NLGN1: variants seen among roughly 807,000 people sequenced by gnomAD.
NLGN1 encodes neuroligin 1.
A neutral mutation model predicts 65.5 loss-of-function variants in NLGN1; 12 were observed. The observed-to-expected ratio is 0.18, with a 90% CI of 0.12 to 0.30. The LOEUF is 0.30. Ranked by LOEUF, NLGN1 falls within the 10% of genes least tolerant of loss-of-function variation. The probability of loss-of-function intolerance (pLI) is 1.00; values close to 1 mark genes in which losing one functional copy is unlikely to be tolerated. For synonymous variants in NLGN1, 350 were observed against 359.5 expected, an observed-to-expected ratio of 0.97 and a Z score of 0.30; for missense variants, 750 against 1,007.1, an observed-to-expected ratio of 0.74 and a Z score of 3.46.
chr3:173,423,370 A>C (rs1464481611), intron 1 of NLGN1, among the ~76,000 whole-genome samples: 1 of 152,128 alleles, frequency 6.6e-6, no homozygotes, highest in Non-Finnish European at 1.5e-5. Flanking sequence ...CAAAGACTTA[A>C]CTCATTCCGG....
intron 3 of NLGN1, among the ~76,000 whole-genome samples, chr3:173,778,136 C>A (rs768483186): frequency 6.6e-6 from 1 of 151,800 alleles, no homozygotes; most frequent in Non-Finnish European, 1.5e-5. Context: ...TAAGATAACA[C>A]ACAATTTCTT....
At chr3:173,560,691 C>T (rs1301867282) in intron 2 of NLGN1, among the ~76,000 whole-genome samples, 1 of 151,620 alleles carries the variant, frequency 6.6e-6, no homozygotes, top group Non-Finnish European at 1.5e-5. Context: ...TCCGTTTACC[C>T]CAAGATAACA....
chr3:173,724,725 C>A (rs934894812), intron 3 of NLGN1, among the ~76,000 whole-genome samples: 1 of 152,186 alleles, frequency 6.6e-6, no homozygotes, highest in Non-Finnish European at 1.5e-5. Context: ...TATAAAGACA[C>A]ATGCACACAT....
intron 2 of NLGN1, among the ~76,000 whole-genome samples, chr3:173,580,047 A>G (rs901370931): frequency 1.3e-5 from 2 of 152,176 alleles, no homozygotes; most frequent in African/African-American, 2.4e-5. Flanking sequence ...CTTTCACAAC[A>G]TCCTAAAACG....
At chr3:173,705,252 T>C (rs1298023500) in intron 3 of NLGN1, among the ~76,000 whole-genome samples, 1 of 152,200 alleles carries the variant, frequency 6.6e-6, no homozygotes, top group Non-Finnish European at 1.5e-5. Flanking sequence ...CATATGAACT[T>C]GCAGGATCCA....
intron 4 of NLGN1, among the ~76,000 whole-genome samples, chr3:173,847,118 T>A (rs548464277): frequency 6.6e-6 from 1 of 152,288 alleles, no homozygotes; most frequent in East Asian, 1.9e-4. Context: ...ATGCCTCTCC[T>A]AAATGTATTC....
At chr3:173,721,110 A>T (rs1336040644) in intron 3 of NLGN1, among the ~76,000 whole-genome samples, 2 of 152,210 alleles carry the variant, frequency 1.3e-5, no homozygotes, top group Non-Finnish European at 2.9e-5. Flanking sequence ...CCTGTTTTAA[A>T]AATTATTTTC....
chr3:174,132,172 T>C (rs1577032685), intron 4 of NLGN1, among the ~76,000 whole-genome samples: 1 of 152,188 alleles, frequency 6.6e-6, no homozygotes, highest in East Asian at 1.9e-4. Context: ...CTCTAAGACT[T>C]GCTTTCACTT....
intron 3 of NLGN1, among the ~76,000 whole-genome samples, chr3:173,709,611 GT>G: frequency 6.6e-6 from 1 of 151,948 alleles, no homozygotes; most frequent in East Asian, 1.9e-4. Flanking sequence ...AGACCAGCCT[GT>G]CCAAAATGAT....
intron 4 of NLGN1, among the ~76,000 whole-genome samples, chr3:173,848,020 T>A (rs1424690770): frequency 6.6e-6 from 1 of 152,218 alleles, no homozygotes. Context: ...CATTTACTCT[T>A]GCCACCTATT....
At chr3:173,803,103 A>G (rs529913892) in intron 3 of NLGN1, among the ~76,000 whole-genome samples, 2 of 152,112 alleles carry the variant, frequency 1.3e-5, no homozygotes, top group Non-Finnish European at 2.9e-5. Flanking sequence ...AGCCTCCCAC[A>G]GTGCTGGGGT....
chr3:174,265,912 ATGTATATATGTATATATG>A (rs1330322570), intron 4 of NLGN1, among the ~76,000 whole-genome samples: 2 of 95,686 alleles, frequency 2.1e-5, no homozygotes, highest in Non-Finnish European at 4.7e-5. Flanking sequence ...ATGTGTATAT[ATGTATATATGTATATATG>A]TGTATATATG....
At chr3:173,541,695 A>G (rs1560410882) in intron 2 of NLGN1, among the ~76,000 whole-genome samples, 1 of 152,150 alleles carries the variant, frequency 6.6e-6, no homozygotes. Flanking sequence ...CTCAACTGAT[A>G]GTTTCACTTT....
chr3:173,785,474 T>C (rs1781805454), intron 3 of NLGN1, among the ~76,000 whole-genome samples: 1 of 152,302 alleles, frequency 6.6e-6, no homozygotes, highest in South Asian at 2.1e-4. Context: ...AAGTCTGATA[T>C]AACATTGTAC....
chr3:173,396,492 T>C (rs1716654189), upstream of NLGN1: 1 of 152,194 alleles, frequency 6.6e-6, no homozygotes, highest in Non-Finnish European at 1.5e-5. Flanking sequence ...AAGGGCCTGG[T>C]TTTCGTCTCT....
At chr3:173,611,523 A>T (rs1204263000) in intron 3 of NLGN1, among the ~76,000 whole-genome samples, 1 of 152,090 alleles carries the variant, frequency 6.6e-6, no homozygotes, top group East Asian at 1.9e-4. Flanking sequence ...TGAAATAATT[A>T]AAACGCCTAG....
chr3:173,531,564 T>TACACACACACACACACAC lies in NLGN1; in HGVS notation c.-320-72706_-320-72689dup, dbSNP rs147720926. Among the ~76,000 whole-genome samples the TACACACACACACACACAC allele has an allele frequency of 4.5e-3, 674 of 148,244 alleles. 3 individuals are homozygous for TACACACACACACACACAC. Among genetic ancestry groups the TACACACACACACACACAC allele is most frequent in the African/African-American group, 0.011 (432 of 40,446 alleles). ...TGTATTTGTTTTTACCTGTGTGAAA[T>TACACACACACACACACAC]ACACACACACACACACACACACACA... On this transcript the variant is annotated intron_variant, in intron 2 of 6. Transcript: ENST00000457714.
chr3:173,440,972 C>T (rs1446729820), intron 2 of NLGN1, among the ~76,000 whole-genome samples: 2 of 152,172 alleles, frequency 1.3e-5, no homozygotes, highest in Non-Finnish European at 2.9e-5. Flanking sequence ...CTATAGCCAC[C>T]TTCCTGAATG....
At chr3:173,731,206 A>G (rs115085197) in intron 3 of NLGN1, among the ~76,000 whole-genome samples, 2,547 of 152,030 alleles carry the variant, frequency 0.017, 58 homozygotes, top group African/African-American at 0.056. Flanking sequence ...GGTTTTTGAA[A>G]CCCTTAGTTT....
Sources: gnomAD v4.1 joint callset for allele counts (sites outside exome capture counted in the v4.1 genomes callset) on GRCh38, gnomAD v4.1.1 for gene constraint, MANE v1.5 for transcripts, NCBI Gene and HGNC (gene_info 2026-07-23, HGNC 2026-07-21) for gene names.